SEMA4D: variants seen among roughly 807,000 people sequenced by gnomAD.
SEMA4D encodes the protein semaphorin-4D.
Under a neutral mutation model 74.8 loss-of-function variants are expected in SEMA4D, and 22 were observed. The ratio of observed to expected loss-of-function variants is 0.29; its 90% CI spans 0.21 to 0.42. The LOEUF (loss-of-function observed/expected upper bound fraction) is 0.42. SEMA4D is among the 10% of genes least tolerant of loss of function. The pLI is 1.00. For synonymous variants in SEMA4D, 445 were observed against 463.7 expected, an observed-to-expected ratio of 0.96 and a Z score of 0.52; for missense variants, 937 against 1,118.4, an observed-to-expected ratio of 0.84 and a Z score of 2.31.
In SEMA4D at chr9:89,419,650, C is replaced by T. The variant is rs144617505; in HGVS notation, c.-243-13951G>A. ...AAAACTGGCCAGGCACTGTGGCTCA[C>T]GCCTGTAATCCCAACACTTTAGGAG... On this transcript the variant is annotated intron_variant, in intron 2 of 15. Transcript: ENST00000422704. Among the ~76,000 whole-genome samples the T allele has an allele frequency of 2.5e-3, 374 of 152,280 alleles. 2 individuals are homozygous for T. Among genetic ancestry groups the T allele is most frequent in the African/African-American group, 8.1e-3 (336 of 41,562 alleles).
chr9:89,367,907 C>G (rs1308321739), intron 16 of SEMA4D: 1 of 152,302 alleles, frequency 6.6e-6, no homozygotes, highest in African/African-American at 2.4e-5. Flanking sequence ...CACCCCAAGC[C>G]TCTAACGGAG....
At chr9:89,450,118 C>A in intron 2 of SEMA4D, 1 of 1,243,584 alleles carries the variant, frequency 8.0e-7, no homozygotes, top group Non-Finnish European at 1.2e-6. Flanking sequence ...GGTATGCTGT[C>A]ACACCAGCTG....
intron 2 of SEMA4D, among the ~76,000 whole-genome samples, chr9:89,437,224 T>G (rs1850645559): frequency 6.6e-6 from 1 of 152,236 alleles, no homozygotes; most frequent in Middle Eastern, 3.4e-3. Context: ...CTGATCCTAG[T>G]GGGCATTGCA....
At chr9:89,376,864 C>T, downstream of SEMA4D, 1 of 1,550,312 alleles carries the variant, frequency 6.5e-7, no homozygotes, top group Non-Finnish European at 8.7e-7. Context: ...AGAAGTTCCC[C>T]AGGGCGTGCA....
intron 2 of SEMA4D, among the ~76,000 whole-genome samples, chr9:89,413,857 T>G: frequency 6.6e-6 from 1 of 152,262 alleles, no homozygotes; most frequent in East Asian, 1.9e-4. Flanking sequence ...TGTGTGCGCA[T>G]CTGTGTATGT....
At chr9:89,460,104 TG>T (rs1474720481) in intron 1 of SEMA4D, among the ~76,000 whole-genome samples, 2 of 152,192 alleles carry the variant, frequency 1.3e-5, no homozygotes, top group Non-Finnish European at 2.9e-5. Context: ...TGATGGCCAG[TG>T]GCACGATGCA....
In SEMA4D at chr9:89,484,493, C is replaced by T. The variant is rs1824995647; in HGVS notation, c.-310+13426G>A. On this transcript the variant is annotated intron_variant, in intron 1 of 15. Coordinates refer to ENST00000422704, the MANE Select transcript of SEMA4D (RefSeq NM_001371194.2). The surrounding 1 kb of genome is among the most constrained non-coding windows in gnomAD (Gnocchi z 4.1). ...TGTGGCATGGTATGTGTATGTACCA[C>T]GTGGTGGGTTTGTGTAGTGTGTGTG... Among the ~76,000 whole-genome samples, 2 of 147,128 alleles carry T rather than the reference C, an allele frequency of 1.4e-5. No individual in the cohort carries two copies. Among genetic ancestry groups the T allele is most frequent in the South Asian group, 2.2e-4 (1 of 4,576 alleles).
chr9:89,438,964 CTTTTTTTTTTTTTTT>C (rs57394947), intron 2 of SEMA4D, among the ~76,000 whole-genome samples: 9 of 38,190 alleles, frequency 2.4e-4, no homozygotes, highest in South Asian at 1.3e-3. Context: ...CGCACCGGGC[CTTTTTTTTTTTTTTT>C]TTTTTTTTTT....
exon 19 of SEMA4D, chr9:89,361,512 C>T (rs1832762256): frequency 6.6e-6 from 1 of 152,138 alleles, no homozygotes; most frequent in Admixed American, 6.5e-5. Context: ...AGGACAAGTT[C>T]ACACACACAG....
At chr9:89,444,407 C>G (rs1218612168) in intron 2 of SEMA4D, among the ~76,000 whole-genome samples, 1 of 152,216 alleles carries the variant, frequency 6.6e-6, no homozygotes, top group Non-Finnish European at 1.5e-5. Flanking sequence ...GGACTCCTCC[C>G]AGCTATCAGC....
downstream of SEMA4D, chr9:89,377,118 C>T: frequency 6.8e-7 from 1 of 1,471,186 alleles, no homozygotes; most frequent in Non-Finnish European, 9.1e-7. Flanking sequence ...ACGTCACAGG[C>T]CAGAGAGGGC....
rs1392785478 is a variant in SEMA4D at position 89,379,224 on chromosome 9, G to C, written c.2069C>G (p.Thr690Ser). 1 of 1,614,070 alleles carries C rather than the reference G, an allele frequency of 6.2e-7. No individual in the cohort carries two copies. The highest frequency in any genetic ancestry group is 2.2e-5 in the East Asian group (1 of 44,882). The stretch of plus-strand genomic sequence containing the variant: ...AGGAAGGGTGATGGCCCCGGAGGAG[G>C]TGGCCTGCACGGCTGGGGTTGGGGG... ...SSPPTPAVQATSSGAITLPPK... is the reference protein window; with the variant it reads ...SSPPTPAVQASSSGAITLPPK... Residue 690 changes from threonine to serine, a missense_variant, in exon 16 of 16, where the codon ACC (threonine) becomes AGC (serine). By Grantham distance (58) the Thr-to-Ser change is moderately conservative. Transcript: ENST00000422704.
chr9:89,469,842 G>A (rs74839242), intron 1 of SEMA4D, among the ~76,000 whole-genome samples: 1,567 of 152,264 alleles, frequency 0.01, 25 homozygotes, highest in African/African-American at 0.036. Flanking sequence ...ACCGAAAGTC[G>A]GAAGCAAGGC....
intron 6 of SEMA4D, among the ~76,000 whole-genome samples, chr9:89,396,218 C>G (rs918838541): frequency 2.0e-5 from 3 of 152,146 alleles, no homozygotes; most frequent in African/African-American, 7.2e-5. Flanking sequence ...CCACAGCCGA[C>G]CAGAAGGGTG....
In SEMA4D at chr9:89,381,413, T is replaced by C. The variant is rs898003908; in HGVS notation, c.1447-67A>G. The C allele has an allele frequency of 7.2e-7, 1 of 1,394,702 alleles. No individual in the cohort carries two copies. Among genetic ancestry groups the C allele is most frequent in the East Asian group, 2.5e-5 (1 of 39,646 alleles). The allele number at this position is 1,394,702 out of a possible 1,614,324, so 86.4% of individuals were successfully genotyped here. On this transcript the variant is annotated intron_variant, in intron 13 of 15. Coordinates refer to ENST00000422704, the MANE Select transcript of SEMA4D (RefSeq NM_001371194.2). This position sits in a 1 kb window ranked among gnomAD's most constrained non-coding sequence, Gnocchi z 4.6. ...GGCATCCAGGAGCATGGCCTCTGCT[T>C]CTGCACCAGTGTGTGGGAAGCAGCC...
chr9:89,475,922 T>G (rs548473647), intron 1 of SEMA4D, among the ~76,000 whole-genome samples: 1 of 152,194 alleles, frequency 6.6e-6, no homozygotes, highest in Non-Finnish European at 1.5e-5. Flanking sequence ...TGTCACATTT[T>G]GAAGGAAAAT....
rs548645905 is a variant in SEMA4D, at chr9:89,437,646, G to A, written c.-244+18242C>T. Reference sequence around the variant, plus strand: ...CCAGCGGCAAGGGGCACAGGTTCCCGGTGCTGCCTCTGGTCAAGGGGTCCC... The same window carrying A: ...CCAGCGGCAAGGGGCACAGGTTCCCAGTGCTGCCTCTGGTCAAGGGGTCCC... On this transcript the variant is annotated intron_variant, in intron 2 of 15. Transcript: ENST00000422704. Among the ~76,000 whole-genome samples the A allele has an allele frequency of 7.3e-3, 1,111 of 152,340 alleles. 12 individuals carry two copies. The highest frequency in any genetic ancestry group is 0.025 in the African/African-American group (1,058 of 41,576).
chr9:89,478,695 T>C (rs532305789), intron 1 of SEMA4D, among the ~76,000 whole-genome samples: 2 of 152,242 alleles, frequency 1.3e-5, no homozygotes, highest in South Asian at 4.1e-4. Context: ...GCACCCTTGT[T>C]AGGGGTCTGC....
chr9:89,391,371 T>C lies in SEMA4D; in HGVS notation c.667A>G (p.Ser223Gly). The change falls in exon 9 of 16, where the codon AGC becomes GGC. Residue 223 changes from serine (S) to glycine (G), a missense_variant. Coordinates refer to ENST00000422704, the MANE Select transcript of SEMA4D (RefSeq NM_001371194.2). ...ACCCTGTCATCCTCGCCGTCGGGGCTGTCTGGGCTTTTTCGGATCACGTCA... is the reference window on the plus strand; with the variant it reads ...ACCCTGTCATCCTCGCCGTCGGGGCCGTCTGGGCTTTTTCGGATCACGTCA... Reference protein sequence around the residue: ...FADVIRKSPDSPDGEDDRVYF... With the variant: ...FADVIRKSPDGPDGEDDRVYF... 1 of 1,614,264 alleles carries C rather than the reference T, an allele frequency of 6.2e-7. No individual in the cohort carries two copies. Among genetic ancestry groups the C allele is most frequent in the South Asian group, 1.1e-5 (1 of 91,086 alleles).
Sources: allele counts gnomAD v4.1 joint callset (sites outside exome capture counted in the v4.1 genomes callset), GRCh38; gene constraint gnomAD v4.1.1; non-coding constraint Gnocchi (gnomAD v3.1); transcripts MANE v1.5; gene names NCBI Gene and HGNC (gene_info 2026-07-23, HGNC 2026-07-21).